The following CA10 variants were observed in gnomAD, a reference collection of about 807,000 sequenced individuals.
CA10 encodes the protein carbonic anhydrase-related protein 10.
Under a neutral mutation model 44.2 loss-of-function variants are expected in CA10, and 14 were observed. The ratio of observed to expected loss-of-function variants is 0.32; its 90% CI spans 0.21 to 0.50. CA10 has a LOEUF of 0.50. Among genes scored for constraint, CA10 ranks in the 20% least tolerant of loss-of-function variants. The pLI is 0.99. For synonymous variants in CA10, 159 were observed against 141.6 expected (o/e 1.12, Z -0.87); for missense variants, 350 against 409.7 (o/e 0.85, Z 1.26).
intron 4 of CA10, among the ~76,000 whole-genome samples, chr17:51,674,773 G>A (rs1914556815): frequency 6.6e-6 from 1 of 152,110 alleles, no homozygotes; most frequent in Non-Finnish European, 1.5e-5. Context: ...GTGGACTCAG[G>A]ATTGAAGTCA....
In CA10 at chr17:51,737,029, T is replaced by C. The variant is rs544599635; in HGVS notation, c.465+10604A>G. 9.9e-5 allele frequency among the ~76,000 whole-genome samples: 15 copies of C among 152,134 alleles called. No homozygotes were observed. The South Asian group carries it at 3.1e-3, about 32-fold the overall frequency. ...AGAGGAACTGGAAGATCATCTCAGG[T>C]AACACAATCAGGCACTTATGATTAG... is the stretch of plus-strand genomic sequence containing the variant. On this transcript the variant is annotated intron_variant, in intron 4 of 8. Transcript: ENST00000451037.
intron 1 of CA10, among the ~76,000 whole-genome samples, chr17:52,112,192 A>G (rs1442997936): frequency 7.1e-6 from 1 of 140,678 alleles, no homozygotes; most frequent in South Asian, 2.1e-4. Context: ...GAAGAAAAAG[A>G]AAAAAAAAAA....
At chr17:51,928,328 A>G (rs1982512332) in intron 3 of CA10, among the ~76,000 whole-genome samples, 1 of 152,168 alleles carries the variant, frequency 6.6e-6, no homozygotes, top group East Asian at 1.9e-4. Context: ...ATAAAAATGA[A>G]TATTTTCTAT....
At chr17:52,140,166 G>T (rs1443350770) in intron 1 of CA10, among the ~76,000 whole-genome samples, 1 of 152,184 alleles carries the variant, frequency 6.6e-6, no homozygotes, top group Non-Finnish European at 1.5e-5. Flanking sequence ...TGCGGTGGTG[G>T]TTATAGGACT....
intron 1 of CA10, among the ~76,000 whole-genome samples, chr17:52,129,348 A>T (rs1370448451): frequency 6.6e-6 from 1 of 152,180 alleles, no homozygotes; most frequent in Non-Finnish European, 1.5e-5. Flanking sequence ...CCTCTTCACC[A>T]TTGCAAATAT....
chr17:52,031,508 T>C (rs1257792600), intron 2 of CA10, among the ~76,000 whole-genome samples: 1 of 152,186 alleles, frequency 6.6e-6, no homozygotes, highest in Non-Finnish European at 1.5e-5. Context: ...GCACCCAATC[T>C]TGTGAATTTT....
intron 3 of CA10, among the ~76,000 whole-genome samples, chr17:51,810,355 AC>A (rs1907311075): frequency 6.6e-6 from 1 of 152,170 alleles, no homozygotes; most frequent in Non-Finnish European, 1.5e-5. Flanking sequence ...TTTTTGGAGC[AC>A]CAAGAAGGGT....
intron 1 of CA10, among the ~76,000 whole-genome samples, chr17:52,101,978 A>C (rs1336285600): frequency 6.6e-6 from 1 of 151,822 alleles, no homozygotes; most frequent in Admixed American, 6.6e-5. Context: ...AGAGTGATTG[A>C]GTCATTGTAA....
At chr17:51,943,879 G>C (rs947463107) in intron 2 of CA10, among the ~76,000 whole-genome samples, 2 of 152,092 alleles carry the variant, frequency 1.3e-5, no homozygotes, top group African/African-American at 4.8e-5. Context: ...AAAACACATC[G>C]ACTAAAGGGT....
chr17:51,726,208 C>A (rs971605646), intron 4 of CA10, among the ~76,000 whole-genome samples: 1 of 152,112 alleles, frequency 6.6e-6, no homozygotes, highest in African/African-American at 2.4e-5. Flanking sequence ...AAATGTGATG[C>A]CTCCTTTAAG....
At chr17:51,838,237 T>C (rs953220275) in intron 3 of CA10, among the ~76,000 whole-genome samples, 4 of 152,258 alleles carry the variant, frequency 2.6e-5, no homozygotes, top group African/African-American at 9.6e-5. Context: ...TTCCTGGCTC[T>C]GCGTTCTGAA....
intron 3 of CA10, among the ~76,000 whole-genome samples, chr17:51,913,030 G>A (rs1981851822): frequency 1.3e-5 from 2 of 152,156 alleles, no homozygotes; most frequent in South Asian, 4.1e-4. Flanking sequence ...TTTATAGCTG[G>A]GGAAGAGGCA....
At chr17:51,831,678 G>GCAGCAT (rs1555604037) in intron 3 of CA10, among the ~76,000 whole-genome samples, 2 of 49,034 alleles carry the variant, frequency 4.1e-5, no homozygotes, top group African/African-American at 1.4e-4. Flanking sequence ...AGCAGCAGCA[G>GCAGCAT]CAGCAGCAGC....
chr17:51,902,017 G>A (rs949795108), intron 3 of CA10, among the ~76,000 whole-genome samples: 1 of 152,028 alleles, frequency 6.6e-6, no homozygotes, highest in Non-Finnish European at 1.5e-5. Flanking sequence ...AATAGCTGCT[G>A]GTTCTCAAAG....
intron 2 of CA10, among the ~76,000 whole-genome samples, chr17:52,044,607 G>C (rs1189203163): frequency 6.6e-6 from 1 of 151,984 alleles, no homozygotes; most frequent in African/African-American, 2.4e-5. Context: ...CCCAGCCTGG[G>C]AATTTCTTTA....
intron 1 of CA10, among the ~76,000 whole-genome samples, chr17:52,132,234 C>A (rs1298793295): frequency 6.6e-6 from 1 of 151,502 alleles, no homozygotes; most frequent in Non-Finnish European, 1.5e-5. Flanking sequence ...ACAGCTTGTC[C>A]CCAAGAGCTG....
intron 3 of CA10, among the ~76,000 whole-genome samples, chr17:51,906,726 C>CA (rs1195528052): frequency 1.3e-5 from 2 of 152,120 alleles, no homozygotes; most frequent in Non-Finnish European, 2.9e-5. Context: ...CCTGATCTCC[C>CA]ATCCCTGCCA....
intron 1 of CA10, among the ~76,000 whole-genome samples, chr17:52,106,891 T>C (rs181728329): frequency 2.6e-5 from 4 of 152,336 alleles, no homozygotes; most frequent in Admixed American, 2.6e-4. Context: ...CTACAAAAAC[T>C]ACAGCTATTT....
At chr17:51,633,151 T>G (rs1460354231) in intron 8 of CA10, among the ~76,000 whole-genome samples, 2 of 152,098 alleles carry the variant, frequency 1.3e-5, no homozygotes, top group East Asian at 3.9e-4. Flanking sequence ...TTTTAAAGGT[T>G]TGATATATGT....
Sources: gnomAD v4.1 joint callset for allele counts (sites outside exome capture counted in the v4.1 genomes callset) on GRCh38, gnomAD v4.1.1 for gene constraint, MANE v1.5 for transcripts, NCBI Gene and HGNC (gene_info 2026-07-23, HGNC 2026-07-21) for gene names.